PPME1: variants seen among roughly 807,000 people sequenced by gnomAD.
PPME1 encodes the protein protein phosphatase methylesterase 1.
PPME1 carries 17 observed loss-of-function variants against 56.9 expected under a neutral mutation model. That is an observed-to-expected ratio of 0.30 (90% CI 0.20 to 0.45). The LOEUF (loss-of-function observed/expected upper bound fraction) is 0.45. PPME1 is among the 20% of genes least tolerant of loss of function. The probability of loss-of-function intolerance (pLI) is 1.00; values close to 1 mark genes in which losing one functional copy is unlikely to be tolerated. For synonymous variants in PPME1, 122 were observed against 156.2 expected, an observed-to-expected ratio of 0.78 and a Z score of 1.63; for missense variants, 357 against 483.2, an observed-to-expected ratio of 0.74 and a Z score of 2.45.
At chr11:74,192,539 C>A (rs1036544263) in intron 1 of PPME1, among the ~76,000 whole-genome samples, 7 of 152,098 alleles carry the variant, frequency 4.6e-5, no homozygotes, top group African/African-American at 1.7e-4. Flanking sequence ...GGGCCAGGGG[C>A]AGAATGATAT....
intron 12 of PPME1, 88 bp downstream of exon 12, chr11:74,251,106 C>T: frequency 6.5e-7 from 1 of 1,534,846 alleles, no homozygotes; most frequent in Non-Finnish European, 8.8e-7. Flanking sequence ...TCTCAGCCTG[C>T]ATTGCCTGCA....
intron 7 of PPME1, among the ~76,000 whole-genome samples, chr11:74,232,982 T>G (rs1387708585): frequency 6.9e-6 from 1 of 145,824 alleles, no homozygotes; most frequent in Non-Finnish European, 1.5e-5. Context: ...ATGGGATAAA[T>G]GGGTATGAGC....
chr11:74,204,217 A>G (rs1030996412), intron 2 of PPME1, 136 bp from the exon 3 acceptor site: 2 of 618,502 alleles, frequency 3.2e-6, no homozygotes, highest in South Asian at 4.5e-5. Context: ...TTAGTGTCTC[A>G]GAAAAGTCTG....
At chr11:74,206,482 C>T (rs980932601) in intron 3 of PPME1, among the ~76,000 whole-genome samples, 1 of 152,066 alleles carries the variant, frequency 6.6e-6, no homozygotes, top group African/African-American at 2.4e-5. Flanking sequence ...TAAACAATAG[C>T]ATTTAAGGAA....
intron 3 of PPME1, among the ~76,000 whole-genome samples, chr11:74,216,460 A>G (rs1292617664): frequency 6.6e-6 from 1 of 152,198 alleles, no homozygotes; most frequent in Non-Finnish European, 1.5e-5. Context: ...TGGAAACACA[A>G]CATACCAAAG....
intron 13 of PPME1, chr11:74,252,266 TAGTAAAGATGG>T: frequency 3.4e-6 from 1 of 296,002 alleles, no homozygotes; most frequent in Admixed American, 4.2e-5. Context: ...TTTTTTTTTT[TAGTAAAGATGG>T]TGGTTTCTCC....
At chr11:74,251,882 A>G (rs764440095) in intron 13 of PPME1, 167 bp downstream of exon 13, 2 of 924,258 alleles carry the variant, frequency 2.2e-6, no homozygotes, top group East Asian at 2.4e-5. Flanking sequence ...CTACAAAGCC[A>G]TGGTTGGTTG....
chr11:74,239,810 G>A (rs1324562904), intron 9 of PPME1, among the ~76,000 whole-genome samples: 1 of 151,796 alleles, frequency 6.6e-6, no homozygotes, highest in Non-Finnish European at 1.5e-5. Context: ...TCAATCTCCT[G>A]ACCTCGTGAT....
chr11:74,235,379 C>T (rs1381280282), intron 7 of PPME1, among the ~76,000 whole-genome samples: 1 of 152,068 alleles, frequency 6.6e-6, no homozygotes, highest in Non-Finnish European at 1.5e-5. Context: ...CCCTGCTTCT[C>T]CTTGCACCCA....
chr11:74,209,608 G>A (rs1033597303), intron 3 of PPME1, among the ~76,000 whole-genome samples: 4 of 152,162 alleles, frequency 2.6e-5, no homozygotes, highest in Non-Finnish European at 5.9e-5. Flanking sequence ...AGCTATTGAA[G>A]AGCTTTAGAA....
chr11:74,192,631 G>C (rs557732822), intron 1 of PPME1, among the ~76,000 whole-genome samples: 203 of 152,258 alleles, frequency 1.3e-3, no homozygotes, highest in African/African-American at 4.7e-3. Flanking sequence ...GGAGGTGTTG[G>C]ATCATGGATG....
In PPME1 at chr11:74,192,027, G is replaced by A. The variant is rs372126445; in HGVS notation, c.102-11701G>A. On this transcript the variant is annotated intron_variant, in intron 1 of 13. Coordinates refer to ENST00000328257, the MANE Select transcript of PPME1 (RefSeq NM_016147.3). ...CAAACCTTAGAATGGTAGAGCCACC[G>A]GCAGCTTGCATCCTGAGCATGGAAA... Among the ~76,000 whole-genome samples, 34 of 152,252 alleles carry A rather than the reference G, an allele frequency of 2.2e-4. No homozygotes were observed. In the South Asian group the frequency reaches 5.6e-3, roughly 25 times the overall value.
intron 3 of PPME1, among the ~76,000 whole-genome samples, chr11:74,214,284 G>C (rs1264662751): frequency 1.3e-5 from 2 of 152,046 alleles, no homozygotes; most frequent in African/African-American, 4.8e-5. Flanking sequence ...ATACACAAAG[G>C]AGACAAAAGA....
At chr11:74,216,414 G>C (rs1430615146) in intron 3 of PPME1, among the ~76,000 whole-genome samples, 2 of 152,058 alleles carry the variant, frequency 1.3e-5, no homozygotes, top group Non-Finnish European at 2.9e-5. Context: ...ATGAAATTAA[G>C]ATGGAAATTT....
At chr11:74,185,314 T>C (rs1857650423) in intron 1 of PPME1, among the ~76,000 whole-genome samples, 1 of 152,146 alleles carries the variant, frequency 6.6e-6, no homozygotes, top group Admixed American at 6.5e-5. Flanking sequence ...ATGTCTTTTA[T>C]TCTAGATCAT....
intron 1 of PPME1, among the ~76,000 whole-genome samples, chr11:74,201,991 T>C (rs913622113): frequency 1.3e-5 from 2 of 152,230 alleles, no homozygotes; most frequent in African/African-American, 4.8e-5. Context: ...AGTTGCTGTT[T>C]ACTTCACAAT....
chr11:74,183,513 T>C (rs527709452), intron 1 of PPME1, among the ~76,000 whole-genome samples: 1 of 152,230 alleles, frequency 6.6e-6, no homozygotes, highest in South Asian at 2.1e-4. Flanking sequence ...CATTTATATA[T>C]ATTATATATA....
intron 1 of PPME1, among the ~76,000 whole-genome samples, chr11:74,194,911 A>T (rs1857940290): frequency 6.6e-6 from 1 of 152,226 alleles, no homozygotes; most frequent in Non-Finnish European, 1.5e-5. Context: ...AGGCAAGAAG[A>T]ATTCCTGAGA....
chr11:74,184,966 T>G (rs1401776326), intron 1 of PPME1, among the ~76,000 whole-genome samples: 1 of 151,514 alleles, frequency 6.6e-6, no homozygotes, highest in Non-Finnish European at 1.5e-5. Flanking sequence ...TAATGATATT[T>G]ACTGTTTGCT....
Sources: allele counts gnomAD v4.1 joint callset (sites outside exome capture counted in the v4.1 genomes callset), GRCh38; gene constraint gnomAD v4.1.1; transcripts MANE v1.5; gene names NCBI Gene and HGNC (gene_info 2026-07-23, HGNC 2026-07-21).